Variants in SENP8 observed in about 807,000 individuals in gnomAD.
The protein encoded by SENP8 is SUMO peptidase family member, NEDD8 specific, also known as sentrin-specific protease 8.
A neutral mutation model predicts 14.4 loss-of-function variants in SENP8; 10 were observed. That is an observed-to-expected ratio of 0.69 (90% CI 0.43 to 1.18). The LOEUF is 1.18. Ranked by LOEUF, SENP8 falls within the 50% of genes most tolerant of loss-of-function variation. The pLI is 0.00. For synonymous variants in SENP8, 94 were observed against 95.5 expected, an observed-to-expected ratio of 0.98 and a Z score of 0.09; for missense variants, 202 against 249.4, an observed-to-expected ratio of 0.81 and a Z score of 1.28.
At chr15:72,131,221 A>C (rs2081271043) in intron 1 of SENP8, among the ~76,000 whole-genome samples, 1 of 152,122 alleles carries the variant, frequency 6.6e-6, no homozygotes, top group South Asian at 2.1e-4. Context: ...AATTTTTTTA[A>C]ATCTCATAGA....
intron 1 of SENP8, among the ~76,000 whole-genome samples, chr15:72,131,523 A>G (rs2081273508): frequency 6.6e-6 from 1 of 152,174 alleles, no homozygotes; most frequent in African/African-American, 2.4e-5. Flanking sequence ...TTTGTTTTTT[A>G]TAACAAATAT....
In SENP8 at chr15:72,143,309, G is replaced by C. The variant is rs1416557322; in HGVS notation, c.*3047G>C. 6.6e-6 allele frequency: 1 copy of C among 151,914 alleles called. No homozygotes were observed. Among genetic ancestry groups the C allele is most frequent in the Non-Finnish European group, 1.5e-5 (1 of 67,996 alleles). 9.4% of individuals were successfully genotyped at this position (151,914 alleles called of 1,614,324 possible). The stretch of plus-strand genomic sequence containing the variant: ...TAGTCTCATCTACAAAATAAACCTT[G>C]TTTTCCTTCTGTCCTACTCAGTTCC... On this transcript the variant is annotated 3_prime_UTR_variant, in exon 2 of 2. Coordinates refer to ENST00000340912, the MANE Select transcript of SENP8 (RefSeq NM_145204.4).
At chr15:72,128,269 C>G (rs750250963) in intron 1 of SENP8, among the ~76,000 whole-genome samples, 20 of 152,184 alleles carry the variant, frequency 1.3e-4, no homozygotes, top group Admixed American at 5.9e-4. Flanking sequence ...CATAAGACAC[C>G]AATAAATATA....
At chr15:72,125,256 T>G (rs1201009592) in intron 1 of SENP8, among the ~76,000 whole-genome samples, 1 of 152,168 alleles carries the variant, frequency 6.6e-6, no homozygotes, top group Non-Finnish European at 1.5e-5. Context: ...AAATGGGGCA[T>G]CATTTACTCA....
At position 72,140,431 on chromosome 15, in the gene SENP8, T is replaced by G; in HGVS notation, c.*169T>G. The G allele has an allele frequency of 1.6e-6, 1 of 610,972 alleles. No homozygotes were observed. The highest frequency in any genetic ancestry group is 2.9e-6 in the Non-Finnish European group (1 of 340,726). The allele number at this position is 610,972 out of a possible 1,614,324, so 37.8% of individuals were successfully genotyped here. ...GCATTATCCCCATGGAACGTTTCAC[T>G]TTAACCCTGACTGGGGAGCAATATG... On this transcript the variant is annotated 3_prime_UTR_variant, in exon 2 of 2. Transcript: ENST00000340912.
intron 1 of SENP8, among the ~76,000 whole-genome samples, chr15:72,123,239 A>C (rs1178385317): frequency 6.6e-6 from 1 of 152,254 alleles, no homozygotes; most frequent in East Asian, 1.9e-4. Flanking sequence ...TGTGCTGACC[A>C]CAGTGATTAT....
At chr15:72,139,321 A>C (rs2081357615) in intron 1 of SENP8, 5 of 300,180 alleles carry the variant, frequency 1.7e-5, no homozygotes, top group Non-Finnish European at 3.1e-5. Flanking sequence ...GTGGAAATGG[A>C]TCGTCATAAA....
chr15:72,125,009 G>T (rs554495565), intron 1 of SENP8, among the ~76,000 whole-genome samples: 1 of 151,852 alleles, frequency 6.6e-6, no homozygotes, highest in African/African-American at 2.4e-5. Flanking sequence ...CTATTCCATC[G>T]TGTGGAAACC....
At chr15:72,127,953 G>C (rs987780275) in intron 1 of SENP8, among the ~76,000 whole-genome samples, 1 of 152,128 alleles carries the variant, frequency 6.6e-6, no homozygotes, top group Non-Finnish European at 1.5e-5. Context: ...AGCCAGACAT[G>C]GTGGTATGCA....
chr15:72,117,861 C>G (rs1327101430), upstream of SENP8: 5 of 398,482 alleles, frequency 1.3e-5, no homozygotes, highest in Admixed American at 1.8e-4. Context: ...GGCGCATCCC[C>G]CGCCCTGTCA....
upstream of SENP8, among the ~76,000 whole-genome samples, chr15:72,116,576 G>A (rs758514340): frequency 1.3e-5 from 2 of 152,250 alleles, no homozygotes; most frequent in Non-Finnish European, 2.9e-5. Context: ...AGCATTCAGG[G>A]ATTAAGGAAT....
At chr15:72,127,491 A>G (rs2081231960) in intron 1 of SENP8, among the ~76,000 whole-genome samples, 1 of 152,136 alleles carries the variant, frequency 6.6e-6, no homozygotes, top group African/African-American at 2.4e-5. Flanking sequence ...GTAAAAAGAA[A>G]GTCTTTGTGG....
intron 1 of SENP8, among the ~76,000 whole-genome samples, chr15:72,125,737 T>C (rs1406342114): frequency 6.6e-6 from 1 of 152,096 alleles, no homozygotes; most frequent in Non-Finnish European, 1.5e-5. Context: ...CTCGTTAGCC[T>C]CTAGTGTGTG....
At chr15:72,132,353 C>T (rs941351609) in intron 1 of SENP8, among the ~76,000 whole-genome samples, 1 of 152,012 alleles carries the variant, frequency 6.6e-6, no homozygotes, top group Admixed American at 6.6e-5. Flanking sequence ...AGCATAAAAC[C>T]AAAGAATAAG....
At chr15:72,117,074 G>A (rs1325247882), upstream of SENP8, 2 of 152,292 alleles carry the variant, frequency 1.3e-5, no homozygotes, top group African/African-American at 4.8e-5. Flanking sequence ...TTTGCTTGAG[G>A]AGAGGTCTGT....
At chr15:72,127,520 G>A (rs1289242616) in intron 1 of SENP8, among the ~76,000 whole-genome samples, 6 of 152,146 alleles carry the variant, frequency 3.9e-5, no homozygotes, top group African/African-American at 1.4e-4. Flanking sequence ...TAGTGGGCAA[G>A]CAGGGAAATA....
intron 1 of SENP8, among the ~76,000 whole-genome samples, chr15:72,119,665 A>G (rs1736488719): frequency 6.6e-6 from 1 of 152,146 alleles, no homozygotes; most frequent in Admixed American, 6.5e-5. Context: ...GGAGAATGGC[A>G]TGAACCCGGA....
intron 1 of SENP8, among the ~76,000 whole-genome samples, chr15:72,131,199 A>G (rs933161428): frequency 1.2e-4 from 18 of 152,166 alleles, no homozygotes; most frequent in African/African-American, 3.9e-4. Flanking sequence ...GCAAGACCTC[A>G]TCTCTTAAAA....
intron 1 of SENP8, among the ~76,000 whole-genome samples, chr15:72,130,380 T>G (rs557859681): frequency 2.6e-5 from 4 of 152,250 alleles, no homozygotes; most frequent in South Asian, 4.1e-4. Context: ...AGTAAATATT[T>G]TAGACTTTGC....
Sources: allele counts gnomAD v4.1 joint callset (sites outside exome capture counted in the v4.1 genomes callset), GRCh38; gene constraint gnomAD v4.1.1; transcripts MANE v1.5; gene names NCBI Gene and HGNC (gene_info 2026-07-23, HGNC 2026-07-21).